Variants in TSPAN18 observed in about 807,000 individuals in gnomAD.
TSPAN18 encodes the protein tetraspanin 18, also known as tetraspanin-18.
Under a neutral mutation model 27.3 loss-of-function variants are expected in TSPAN18, and 14 were observed. That is an observed-to-expected ratio of 0.51 (90% confidence interval 0.34 to 0.80). The LOEUF is 0.80. TSPAN18 is among the 30% of genes least tolerant of loss of function. The pLI is 0.01. For missense variants in TSPAN18, 268 were observed against 323.9 expected (o/e 0.83, Z 1.32); for synonymous variants, 143 against 136.5 (o/e 1.05, Z -0.33).
At chr11:44,896,276 C>T (rs575317936) in intron 3 of TSPAN18, among the ~76,000 whole-genome samples, 21 of 152,240 alleles carry the variant, frequency 1.4e-4, no homozygotes, top group African/African-American at 5.1e-4. Context: ...CTGTAAACGC[C>T]ACTTTTGACT....
At chr11:44,799,296 G>A (rs1443875205) in intron 2 of TSPAN18, among the ~76,000 whole-genome samples, 1 of 152,102 alleles carries the variant, frequency 6.6e-6, no homozygotes, top group South Asian at 2.1e-4. Context: ...GTCTGCCTAA[G>A]GAGCCTGTCC....
chr11:44,882,387 C>T (rs1389058891), intron 3 of TSPAN18, among the ~76,000 whole-genome samples: 1 of 152,116 alleles, frequency 6.6e-6, no homozygotes, highest in African/African-American at 2.4e-5. Flanking sequence ...CTACCTCGGG[C>T]AAGCAGGGCT....
intron 2 of TSPAN18, among the ~76,000 whole-genome samples, chr11:44,822,613 T>C (rs527444822): frequency 3.8e-4 from 58 of 151,930 alleles, no homozygotes; most frequent in South Asian, 2.9e-3. Flanking sequence ...CAAAATGTAG[T>C]TCCTGGCTGG....
At chr11:44,748,643 C>T (rs920709315) in intron 1 of TSPAN18, among the ~76,000 whole-genome samples, 3 of 152,096 alleles carry the variant, frequency 2.0e-5, no homozygotes, top group Admixed American at 6.5e-5. Flanking sequence ...AGTTCAAGAT[C>T]GTGATTTACT....
chr11:44,850,574 C>T (rs944320249), intron 2 of TSPAN18, among the ~76,000 whole-genome samples: 9 of 152,148 alleles, frequency 5.9e-5, no homozygotes, highest in African/African-American at 1.9e-4. Context: ...ATAGTTTCCA[C>T]TTACTGAGCC....
At chr11:44,873,191 G>C (rs931843110) in intron 3 of TSPAN18, among the ~76,000 whole-genome samples, 3 of 152,232 alleles carry the variant, frequency 2.0e-5, no homozygotes, top group African/African-American at 7.2e-5. Flanking sequence ...CAGCACAGGG[G>C]CCCTGCATAG....
intron 2 of TSPAN18, among the ~76,000 whole-genome samples, chr11:44,773,848 G>A (rs950980616): frequency 6.6e-6 from 1 of 152,172 alleles, no homozygotes; most frequent in Non-Finnish European, 1.5e-5. Flanking sequence ...GTTGCAGTTC[G>A]TAAAAGCCAC....
chr11:44,920,558 G>A (rs866615644), intron 8 of TSPAN18, among the ~76,000 whole-genome samples: 1 of 152,148 alleles, frequency 6.6e-6, no homozygotes, highest in Non-Finnish European at 1.5e-5. Flanking sequence ...GGGAAGACAA[G>A]CGCCTGGCTT....
chr11:44,851,620 C>CCG (rs1554991784), intron 2 of TSPAN18, among the ~76,000 whole-genome samples: 1 of 148,006 alleles, frequency 6.8e-6, no homozygotes, highest in African/African-American at 2.5e-5. Context: ...TCACCTCCCC[C>CCG]CCCCAACGGC....
Position 44,772,464 on chromosome 11 carries a change from T to C in TSPAN18, c.-153+7952T>C, listed in dbSNP as rs182660383. ...AGGTAACGGGTCAACAGTTCTTAAT[T>C]ACGTTAATAGATATTTTGACAAAAG... On this transcript the variant is annotated intron_variant, in intron 2 of 9. Coordinates refer to ENST00000520358, the MANE Select transcript of TSPAN18 (RefSeq NM_130783.5). Among the ~76,000 whole-genome samples the C allele has an allele frequency of 1.5e-3, 234 of 152,292 alleles. 2 individuals carry two copies. The highest frequency in any genetic ancestry group is 5.5e-3 in the African/African-American group (228 of 41,544).
chr11:44,835,077 C>T (rs1323315274), intron 2 of TSPAN18, among the ~76,000 whole-genome samples: 3 of 152,308 alleles, frequency 2.0e-5, no homozygotes, highest in South Asian at 4.1e-4. Context: ...TTCCGGGCAC[C>T]TCTGGCTGCC....
chr11:44,728,915 G>A (rs951178338), intron 1 of TSPAN18, among the ~76,000 whole-genome samples: 2 of 152,208 alleles, frequency 1.3e-5, no homozygotes, highest in Admixed American at 1.3e-4. Flanking sequence ...AGATTGTGCC[G>A]TGGCCTCATT....
At chr11:44,832,792 A>G (rs1418709927) in intron 2 of TSPAN18, among the ~76,000 whole-genome samples, 1 of 152,020 alleles carries the variant, frequency 6.6e-6, no homozygotes, top group Non-Finnish European at 1.5e-5. Context: ...CGACAGCCTC[A>G]CCACCCACTG....
chr11:44,779,589 A>G lies in TSPAN18; in HGVS notation c.-153+15077A>G, dbSNP rs147336585. ...CTTGTGAAGACATGGATGGCCTTCT[A>G]CTGCTAATGGGTACACACACTGCTG... On this transcript the variant is annotated intron_variant, in intron 2 of 9. Coordinates refer to ENST00000520358, the MANE Select transcript of TSPAN18 (RefSeq NM_130783.5). 5.4e-3 allele frequency among the ~76,000 whole-genome samples: 816 copies of G among 152,252 alleles called. 11 individuals carry two copies. The highest frequency in any genetic ancestry group is 0.014 in the South Asian group (69 of 4,822).
At chr11:44,880,116 C>T (rs1858449251) in intron 3 of TSPAN18, among the ~76,000 whole-genome samples, 1 of 152,230 alleles carries the variant, frequency 6.6e-6, no homozygotes, top group South Asian at 2.1e-4. Context: ...ATTACCACAT[C>T]TTGGACAAAC....
intron 7 of TSPAN18, 115 bp from the exon 8 acceptor site, chr11:44,919,702 C>T (rs1234055911): frequency 8.4e-6 from 9 of 1,070,096 alleles, no homozygotes; most frequent in South Asian, 2.6e-5. Context: ...AGGTGGAGCC[C>T]GCCCACACCC....
intron 2 of TSPAN18, among the ~76,000 whole-genome samples, chr11:44,839,557 T>G (rs1413061711): frequency 1.3e-5 from 2 of 152,110 alleles, no homozygotes; most frequent in Admixed American, 1.3e-4. Flanking sequence ...ATTCTTTCCC[T>G]CTTATCTAGC....
chr11:44,743,677 C>A (rs1855000615), intron 1 of TSPAN18, among the ~76,000 whole-genome samples: 3 of 152,260 alleles, frequency 2.0e-5, no homozygotes, highest in African/African-American at 4.8e-5. Flanking sequence ...TCTGCCACCT[C>A]TGAGAGCAAC....
intron 2 of TSPAN18, among the ~76,000 whole-genome samples, chr11:44,849,242 G>A (rs1231960862): frequency 6.6e-6 from 1 of 152,180 alleles, no homozygotes; most frequent in Non-Finnish European, 1.5e-5. Flanking sequence ...GAGGGACTGT[G>A]TCTGTCTCCT....
Sources: allele counts gnomAD v4.1 joint callset (sites outside exome capture counted in the v4.1 genomes callset), GRCh38; gene constraint gnomAD v4.1.1; transcripts MANE v1.5; gene names NCBI Gene and HGNC (gene_info 2026-07-23, HGNC 2026-07-21).